Variants in MORC2 observed in about 807,000 individuals in gnomAD.
MORC2 encodes MORC family CW-type zinc finger 2.
In MORC2, 30 loss-of-function variants were observed where a neutral mutation model predicts 136.0. The ratio of observed to expected loss-of-function variants is 0.22; its 90% CI spans 0.17 to 0.30. The LOEUF (loss-of-function observed/expected upper bound fraction) is 0.30. Among genes scored for constraint, MORC2 ranks in the 10% least tolerant of loss-of-function variants. MORC2 has a pLI of 1.00. For synonymous variants in MORC2, 439 were observed against 487.0 expected, an observed-to-expected ratio of 0.90 and a Z score of 1.30; for missense variants, 922 against 1,333.1, an observed-to-expected ratio of 0.69 and a Z score of 4.80.
intron 25 of MORC2, among the ~76,000 whole-genome samples, chr22:30,927,105 A>G (rs1226613710): frequency 2.0e-5 from 3 of 151,504 alleles, no homozygotes; most frequent in South Asian, 4.2e-4. Context: ...CATGTTCCCA[A>G]TTGTCTTAGA....
chr22:30,956,531 A>T (rs954242651), intron 3 of MORC2, among the ~76,000 whole-genome samples: 1 of 152,202 alleles, frequency 6.6e-6, no homozygotes. Flanking sequence ...AGCTATTTAC[A>T]TAGATTTGGA....
chr22:30,930,181 T>C (rs2040553075), intron 24 of MORC2, among the ~76,000 whole-genome samples: 1 of 152,200 alleles, frequency 6.6e-6, no homozygotes, highest in Admixed American at 6.5e-5. Context: ...TAGACACTCA[T>C]GCACTTTGTT....
At chr22:30,940,722 A>T (rs1180059550) in intron 10 of MORC2, 36 bp downstream of exon 10, 1 of 1,591,164 alleles carries the variant, frequency 6.3e-7, no homozygotes, top group Non-Finnish European at 8.6e-7. Context: ...CCCCAGATGC[A>T]CACCCCCCCA....
At chr22:30,964,576 A>G (rs141345010) in intron 1 of MORC2, among the ~76,000 whole-genome samples, 1,589 of 152,320 alleles carry the variant, frequency 0.01, 24 homozygotes, top group Non-Finnish European at 0.013. Context: ...AGAAGTCACA[A>G]AACCCACTAC....
At chr22:30,962,701 A>G (rs897772227) in intron 1 of MORC2, among the ~76,000 whole-genome samples, 3 of 152,140 alleles carry the variant, frequency 2.0e-5, no homozygotes, top group Non-Finnish European at 4.4e-5. Context: ...TTTACAATGT[A>G]GCCAAAGGGT....
At chr22:30,966,203 A>G (rs1459030293) in intron 1 of MORC2, among the ~76,000 whole-genome samples, 1 of 152,248 alleles carries the variant, frequency 6.6e-6, no homozygotes, top group African/African-American at 2.4e-5. Flanking sequence ...TCTGAAGTCC[A>G]GTTCATGGTC....
chr22:30,950,353 C>CCAAAAAAAAAA, intron 4 of MORC2, 24 bp downstream of exon 4: 9 of 1,481,890 alleles, frequency 6.1e-6, no homozygotes, highest in Non-Finnish European at 8.4e-6. Context: ...CCCCACCCCC[C>CCAAAAAAAAAA]AAAACAATAA....
intron 6 of MORC2, among the ~76,000 whole-genome samples, chr22:30,945,263 G>C (rs2040799130): frequency 6.6e-6 from 1 of 152,162 alleles, no homozygotes; most frequent in Non-Finnish European, 1.5e-5. Context: ...CAAGTATGCA[G>C]AATGAACTCA....
At chr22:30,936,744 C>T in intron 16 of MORC2, 101 bp from the exon 17 acceptor site, 4 of 1,477,346 alleles carry the variant, frequency 2.7e-6, no homozygotes, top group Non-Finnish European at 2.8e-6. Context: ...ACAAGAGCAA[C>T]CACCTCAGAG....
In MORC2 at chr22:30,934,334, G is replaced by T; in HGVS notation, c.2194-143C>A. 2 of 1,233,736 alleles carry T rather than the reference G, an allele frequency of 1.6e-6. No homozygotes were observed. The highest frequency in any genetic ancestry group is 3.1e-5 in the South Asian group (2 of 65,408). The allele number at this position is 1,233,736 out of a possible 1,614,324, so 76.4% of individuals were successfully genotyped here. A position where few individuals can be genotyped will look rare whatever the true frequency, so the allele number is the denominator to read the frequency against. ...CCTGACATTACTTGGAATGTACACAGGCAACCCACTGGCCCCTGCGCCATA... is the reference window on the plus strand; with the variant it reads ...CCTGACATTACTTGGAATGTACACATGCAACCCACTGGCCCCTGCGCCATA... On this transcript the variant is annotated intron_variant, in intron 19 of 25. Transcript: ENST00000397641. This position sits in a 1 kb window ranked among gnomAD's most constrained non-coding sequence, Gnocchi z 4.4.
chr22:30,931,666 C>T (rs2040577621), intron 24 of MORC2, among the ~76,000 whole-genome samples: 1 of 152,332 alleles, frequency 6.6e-6, no homozygotes, highest in Non-Finnish European at 1.5e-5. Context: ...AGGCACTTGG[C>T]AAAATGCACA....
rs1379053648 is a variant in MORC2 at position 30,932,033 on chromosome 22, A to C, written c.2841+326T>G. On this transcript the variant is annotated intron_variant, in intron 24 of 25. Transcript: ENST00000397641. The surrounding 1 kb of genome is among the most constrained non-coding windows in gnomAD (Gnocchi z 4.4). ...TGCCTGGGACAGGTTTACTCCCTCT[A>C]CTGGGGCAGAAGAAAGTGGGTATGC... is the stretch of plus-strand genomic sequence containing the variant. 1.3e-5 allele frequency among the ~76,000 whole-genome samples: 2 copies of C among 152,184 alleles called. No individual in the cohort carries two copies. The highest frequency in any genetic ancestry group is 2.9e-5 in the Non-Finnish European group (2 of 68,028).
intron 25 of MORC2, among the ~76,000 whole-genome samples, 198 bp from the exon 26 acceptor site, chr22:30,927,069 T>A (rs995786045): frequency 2.0e-5 from 3 of 152,072 alleles, no homozygotes; most frequent in Non-Finnish European, 4.4e-5. Flanking sequence ...ATGCCCAGAT[T>A]TCCTACGCCC....
intron 5 of MORC2, among the ~76,000 whole-genome samples, chr22:30,948,364 G>C (rs1321487745): frequency 6.6e-6 from 1 of 152,160 alleles, no homozygotes; most frequent in Non-Finnish European, 1.5e-5. Context: ...TAGATAACCT[G>C]CATTAGAATC....
At chr22:30,927,206 T>C (rs550094271) in intron 25 of MORC2, among the ~76,000 whole-genome samples, 25 of 152,168 alleles carry the variant, frequency 1.6e-4, no homozygotes, top group South Asian at 8.3e-4. Context: ...CTCAGACAAC[T>C]GTGGGAGCCT....
At chr22:30,936,694 G>C (rs199560870) in intron 16 of MORC2, 51 bp from the exon 17 acceptor site, 1 of 1,595,292 alleles carries the variant, frequency 6.3e-7, no homozygotes, top group African/African-American at 1.3e-5. Context: ...CGCCAAGCTC[G>C]GCAAGGACCT....
Position 30,939,716 on chromosome 22 carries a change from T to G in MORC2, c.988-10A>C. 6.2e-7 allele frequency: 1 copy of G among 1,612,910 alleles called. No individual in the cohort carries two copies. The highest frequency in any genetic ancestry group is 8.5e-7 in the Non-Finnish European group (1 of 1,179,282). On this transcript the variant is annotated splice_polypyrimidine_tract_variant and intron_variant, in intron 11 of 25. Coordinates refer to ENST00000397641, the MANE Select transcript of MORC2 (RefSeq NM_001303256.3). The stretch of plus-strand genomic sequence containing the variant: ...CCTGTCGCAACATCACCTGCACACA[T>G]TGACATCAGGTGAGGGGAGGTGGCA...
chr22:30,968,488 G>C lies in MORC2; in HGVS notation c.-599C>G, dbSNP rs920872441. 6.6e-6 allele frequency among the ~76,000 whole-genome samples: 1 copy of C among 152,144 alleles called. No individual in the cohort carries two copies. The highest frequency in any genetic ancestry group is 1.5e-5 in the Non-Finnish European group (1 of 68,036). ...AGTGAAAAAGCTCCTAGGCACTCAC[G>C]ATTTCTTTTTTCAAAGCCGGACCAA... On this transcript the variant is annotated 5_prime_UTR_variant, in exon 1 of 26. In the 5' UTR this introduces an upstream ATG that the reference lacks. Coordinates refer to ENST00000397641, the MANE Select transcript of MORC2 (RefSeq NM_001303256.3).
At chr22:30,927,955 G>A (rs1170270423) in intron 25 of MORC2, 64 bp downstream of exon 25, 2 of 1,583,274 alleles carry the variant, frequency 1.3e-6, no homozygotes, top group Non-Finnish European at 1.7e-6. Context: ...CAGGAACAGG[G>A]CCCAGGCCCC....
Sources: allele counts gnomAD v4.1 joint callset (sites outside exome capture counted in the v4.1 genomes callset), GRCh38; gene constraint gnomAD v4.1.1; non-coding constraint Gnocchi (gnomAD v3.1); transcripts MANE v1.5; gene names NCBI Gene and HGNC (gene_info 2026-07-23, HGNC 2026-07-21).